KIF21B: variants seen among roughly 807,000 people sequenced by gnomAD.
KIF21B encodes kinesin family member 21B.
KIF21B carries 85 observed loss-of-function variants against 192.9 expected under a neutral mutation model. The ratio of observed to expected loss-of-function variants is 0.44; its 90% CI spans 0.37 to 0.53. KIF21B has a LOEUF of 0.53. KIF21B is among the 20% of genes least tolerant of loss of function. The pLI is 0.00. For missense variants in KIF21B, 1,716 were observed against 2,194.8 expected, an observed-to-expected ratio of 0.78 and a Z score of 4.36; for synonymous variants, 832 against 884.6, an observed-to-expected ratio of 0.94 and a Z score of 1.05.
chr1:201,004,862 CT>C lies in KIF21B; in HGVS notation c.803del (p.Lys268SerfsTer13). 1 of 1,614,154 alleles carries C rather than the reference CT, an allele frequency of 6.2e-7. No individual in the cohort carries two copies. On this transcript the variant is annotated frameshift_variant, in exon 6 of 35. Coordinates refer to ENST00000461742, the MANE Select transcript of KIF21B (RefSeq NM_001252102.2). LOFTEE classifies it high-confidence loss of function. Reference sequence around the variant, plus strand: ...AGCCGGCCAGGTCCACAAAGTGAAACTTAGCAGTGAGTGTCTCATACTCACT... The same window carrying C: ...AGCCGGCCAGGTCCACAAAGTGAAACTAGCAGTGAGTGTCTCATACTCACT... ...PSSEYETLTA[K>X]FHFVDLAGSE...
rs749553311 is a variant in KIF21B at position 201,004,889 on chromosome 1, C to G, written c.777G>C (p.Ser259=). 1 of 1,613,218 alleles carries G rather than the reference C, an allele frequency of 6.2e-7. No individual in the cohort carries two copies. Among genetic ancestry groups the G allele is most frequent in the East Asian group, 2.2e-5 (1 of 44,846 alleles). ...TAGCAGTGAGTGTCTCATACTCACT[C>G]GAGGGAGGTGTACCATCAGGAAGCC... ...VTGLPDGTPP[S]SEYETLTAKF... is the part of the protein sequence containing the mutation. The change falls in exon 6 of 35, where the codon TCG becomes TCC. Residue 259 remains serine (S), a synonymous_variant. Transcript: ENST00000461742.
rs1378664308 is a variant in KIF21B at position 200,982,807 on chromosome 1, C to T, written c.3842+249G>A. ...AGGGAGAAGAGAACAGGGCCTGCGA[C>T]AAGCAACTGTGCACCCTCCCCAAGC... On this transcript the variant is annotated intron_variant, in intron 28 of 34. Transcript: ENST00000461742. The surrounding 1 kb of genome is among the most constrained non-coding windows in gnomAD (Gnocchi z 4.7). Among the ~76,000 whole-genome samples the T allele has an allele frequency of 6.6e-6, 1 of 152,184 alleles. No homozygotes were observed. Among genetic ancestry groups the T allele is most frequent in the Non-Finnish European group, 1.5e-5 (1 of 68,028 alleles).
chr1:201,015,415 C>A (rs1049494613), intron 1 of KIF21B, among the ~76,000 whole-genome samples: 1 of 152,238 alleles, frequency 6.6e-6, no homozygotes, highest in Non-Finnish European at 1.5e-5. Context: ...AAAAGCATAT[C>A]TGCTCTTTTC....
rs865830055 is a variant in KIF21B, at chr1:200,974,135, C to T, written c.4815-557G>A. 31 of 1,600,304 alleles carry T rather than the reference C, an allele frequency of 1.9e-5. No individual in the cohort carries two copies. In the African/African-American group the frequency reaches 2.3e-4, roughly 12 times the overall value. ...GGCGCGGCCCTTTATGGCCAGGACT[C>T]GGCGAGGAAGGCAGGGGGTGAGTCC... is the stretch of plus-strand genomic sequence containing the variant. On this transcript the variant is annotated intron_variant, in intron 34 of 34. Coordinates refer to ENST00000461742, the MANE Select transcript of KIF21B (RefSeq NM_001252102.2).
chr1:201,010,730 G>A lies in KIF21B; in HGVS notation c.42-1242C>T, dbSNP rs944676632. ...CAGCACCCATCCTGGGCCCAGAGGC[G>A]CCTGGTCACAGAGTCTAGGGCCTCC... is the stretch of plus-strand genomic sequence containing the variant. On this transcript the variant is annotated intron_variant, in intron 1 of 34. Coordinates refer to ENST00000461742, the MANE Select transcript of KIF21B (RefSeq NM_001252102.2). Among the ~76,000 whole-genome samples, 6 of 152,192 alleles carry A rather than the reference G, an allele frequency of 3.9e-5. 1 individual carries two copies. The highest frequency in any genetic ancestry group is 4.1e-4 in the South Asian group (2 of 4,824).
Position 200,998,056 on chromosome 1 carries a change from G to A in KIF21B, c.2077+328C>T, listed in dbSNP as rs569702318. Among the ~76,000 whole-genome samples, 3 of 152,282 alleles carry A rather than the reference G, an allele frequency of 2.0e-5. No homozygotes were observed. Among genetic ancestry groups the A allele is most frequent in the African/African-American group, 7.2e-5 (3 of 41,536 alleles). On this transcript the variant is annotated intron_variant, in intron 14 of 34. Transcript: ENST00000461742. The surrounding 1 kb of genome is among the most constrained non-coding windows in gnomAD (Gnocchi z 4.3). The stretch of plus-strand genomic sequence containing the variant: ...CATAATGAAGATAGAATGTAAGAAC[G>A]GTTACAAACAGGTCCAAAGGAAAAG...
rs1053590665 is a variant in KIF21B, at chr1:201,017,562, T to C, written c.41+5781A>G. On this transcript the variant is annotated intron_variant, in intron 1 of 34. Coordinates refer to ENST00000461742, the MANE Select transcript of KIF21B (RefSeq NM_001252102.2). The surrounding 1 kb of genome is among the most constrained non-coding windows in gnomAD (Gnocchi z 4.1). ...CCCAGAGCCCAGAGCTGTGACGGTATTGGCATCTGCATCTGGTGGGGAATG... is the reference window on the plus strand; with the variant it reads ...CCCAGAGCCCAGAGCTGTGACGGTACTGGCATCTGCATCTGGTGGGGAATG... 6.6e-5 allele frequency among the ~76,000 whole-genome samples: 10 copies of C among 152,220 alleles called. No homozygotes were observed. The highest frequency in any genetic ancestry group is 1.9e-4 in the African/African-American group (8 of 41,458).
chr1:200,969,969 G>C lies in KIF21B; in HGVS notation c.*3552C>G, dbSNP rs2102355857. 1 of 152,630 alleles carries C rather than the reference G, an allele frequency of 6.6e-6. No individual in the cohort carries two copies. The highest frequency in any genetic ancestry group is 2.1e-4 in the South Asian group (1 of 4,830). 9.5% of individuals were successfully genotyped at this position (152,630 alleles called of 1,614,324 possible). On this transcript the variant is annotated 3_prime_UTR_variant, in exon 35 of 35. Coordinates refer to ENST00000461742, the MANE Select transcript of KIF21B (RefSeq NM_001252102.2). The stretch of plus-strand genomic sequence containing the variant: ...AGAGCAGCAAGCAGTTGCCTGTTTG[G>C]GATGGCAAAGGGACACATACCACAG...
At chr1:200,979,803 T>C in intron 29 of KIF21B, 88 bp from the exon 30 acceptor site, 2 of 1,170,002 alleles carry the variant, frequency 1.7e-6, no homozygotes, top group Non-Finnish European at 2.3e-6. Flanking sequence ...CTGCCCAGGA[T>C]AGGGGAAAGG....
In KIF21B at chr1:200,991,141, T is replaced by A; in HGVS notation, c.2463A>T (p.Ala821=). The A allele has an allele frequency of 6.2e-7, 1 of 1,612,426 alleles. No homozygotes were observed. The highest frequency in any genetic ancestry group is 1.3e-5 in the African/African-American group (1 of 75,010). The change falls in exon 18 of 35, where the codon GCA becomes GCT. Residue 821 remains alanine (A), a synonymous_variant. Transcript: ENST00000461742. The part of the protein sequence containing the change: ...VLRRKTQEVS[A]LRRLAKPMSE... ...ACATGGGCTTGGCCAGGCGCCTCAG[T>A]GCAGAAACCTGGGGCAGCAGGGAGA...
Position 200,977,239 on chromosome 1 carries a change from T to C in KIF21B, c.4298A>G (p.Asn1433Ser). The C allele has an allele frequency of 6.2e-7, 1 of 1,613,596 alleles. No individual in the cohort carries two copies. The highest frequency in any genetic ancestry group is 2.2e-5 in the East Asian group (1 of 44,862). Residue 1433 changes from asparagine (N) to serine (S), a missense_variant, in exon 31 of 35, where the codon AAT becomes AGT. By Grantham distance (46) the Asn-to-Ser change is conservative (BLOSUM62 1). This residue lies in a region of KIF21B where 580 missense variants were observed against 775.5 expected (regional missense o/e 0.75). Coordinates refer to ENST00000461742, the MANE Select transcript of KIF21B (RefSeq NM_001252102.2). ...GCTAAGCTCCCAGATGCGGACGGCA[T>C]TGCCCGAGGCGGCGTACAGCATGGT... ...SGTMLYAASG[N>S]AVRIWELSRF...
chr1:201,007,127 C>CACACAG (rs1398725143), intron 3 of KIF21B, among the ~76,000 whole-genome samples: 1 of 149,144 alleles, frequency 6.7e-6, no homozygotes, highest in Non-Finnish European at 1.5e-5. Context: ...CAGACACCCA[C>CACACAG]ACACAGACAC....
rs758488977 is a variant in KIF21B at position 200,990,876 on chromosome 1, C to A, written c.2687+41G>T. The A allele has an allele frequency of 3.4e-5, 54 of 1,611,204 alleles. No individual in the cohort carries two copies. Among genetic ancestry groups the A allele is most frequent in the Non-Finnish European group, 4.2e-5 (49 of 1,177,632 alleles). On this transcript the variant is annotated intron_variant, in intron 18 of 34. Transcript: ENST00000461742. The surrounding 1 kb of genome is among the most constrained non-coding windows in gnomAD (Gnocchi z 5.4). Reference sequence around the variant, plus strand: ...CTGGCCCTGCCCCATATTCCCACCCCCTCTGCCTGCACAGGCCAGGGGACT... The same window carrying A: ...CTGGCCCTGCCCCATATTCCCACCCACTCTGCCTGCACAGGCCAGGGGACT...
chr1:201,005,288 G>C lies in KIF21B; in HGVS notation c.732+20C>G, dbSNP rs1433041686. On this transcript the variant is annotated intron_variant, in intron 5 of 34. Transcript: ENST00000461742. ...ACCCCTGCAGCAAGCTGGCTCCTGG[G>C]CCCCCTGCAGGCTCCTCACCAGGTC... The C allele has an allele frequency of 6.4e-7, 1 of 1,558,328 alleles. No homozygotes were observed. The highest frequency in any genetic ancestry group is 2.3e-5 in the East Asian group (1 of 44,250).
At chr1:200,984,674 C>A (rs1055627862) in intron 27 of KIF21B, among the ~76,000 whole-genome samples, 185 bp downstream of exon 27, 7 of 152,184 alleles carry the variant, frequency 4.6e-5, no homozygotes, top group African/African-American at 1.7e-4. Context: ...AGGAGAAGGG[C>A]CCATGGTTAG....
At position 200,990,078 on chromosome 1, in the gene KIF21B, G is replaced by A; in HGVS notation, c.3031-35C>T. 6.2e-7 allele frequency: 1 copy of A among 1,611,626 alleles called. No homozygotes were observed. The highest frequency in any genetic ancestry group is 2.2e-5 in the East Asian group (1 of 44,846). ...GGAGGCAGAGAGCCCCGTCACCTGG[G>A]GCTACCCCTGCCACCCATCTCTCCC... On this transcript the variant is annotated intron_variant, in intron 20 of 34. Transcript: ENST00000461742. The surrounding 1 kb of genome is among the most constrained non-coding windows in gnomAD (Gnocchi z 5.4).
rs377714013 is a variant in KIF21B, at chr1:200,996,280, G to A, written c.2193C>T (p.His731=). Reference sequence around the variant, plus strand: ...GCGACTGGTTCTTAAGCAGCCGGGCGTGCTCTTTCTGGGCGGCCTGCAGCT... The same window carrying A: ...GCGACTGGTTCTTAAGCAGCCGGGCATGCTCTTTCTGGGCGGCCTGCAGCT... ...LQKLQAAQKE[H]ARLLKNQSRY... Residue 731 remains histidine (H), a synonymous_variant, in exon 15 of 35, where the codon CAC becomes CAT. Coordinates refer to ENST00000461742, the MANE Select transcript of KIF21B (RefSeq NM_001252102.2). The A allele has an allele frequency of 4.3e-5, 69 of 1,613,978 alleles. No individual in the cohort carries two copies. The highest frequency in any genetic ancestry group is 1.6e-4 in the Middle Eastern group (1 of 6,072).
At chr1:200,984,599 C>T (rs982953587) in intron 27 of KIF21B, among the ~76,000 whole-genome samples, 5 of 152,232 alleles carry the variant, frequency 3.3e-5, no homozygotes, top group African/African-American at 9.6e-5. Flanking sequence ...GCCCACCTGA[C>T]TGCCCGGCCC....
At chr1:201,014,966 C>T (rs778497166) in intron 1 of KIF21B, among the ~76,000 whole-genome samples, 3 of 152,210 alleles carry the variant, frequency 2.0e-5, no homozygotes, top group Non-Finnish European at 4.4e-5. Context: ...ACTTGGCTTA[C>T]TAAACTTCCT....
Sources: allele counts gnomAD v4.1 joint callset (sites outside exome capture counted in the v4.1 genomes callset), GRCh38; gene constraint gnomAD v4.1.1; regional missense constraint gnomAD v4.1.1; non-coding constraint Gnocchi (gnomAD v3.1); transcripts MANE v1.5; gene names NCBI Gene and HGNC (gene_info 2026-07-23, HGNC 2026-07-21).